Variants in NUCKS1 observed in about 807,000 individuals in gnomAD.
The protein encoded by NUCKS1 is nuclear casein kinase and cyclin dependent kinase substrate 1.
NUCKS1 carries 2 observed loss-of-function variants against 33.0 expected under a neutral mutation model. The ratio of observed to expected loss-of-function variants is 0.06; its 90% CI spans 0.02 to 0.19. The LOEUF (loss-of-function observed/expected upper bound fraction) is 0.19. NUCKS1 is among the 10% of genes least tolerant of loss of function. The probability of loss-of-function intolerance (pLI) is 1.00; values close to 1 mark genes in which losing one functional copy is unlikely to be tolerated. For synonymous variants in NUCKS1, 106 were observed against 102.8 expected, an observed-to-expected ratio of 1.03 and a Z score of -0.19; for missense variants, 201 against 293.6, an observed-to-expected ratio of 0.68 and a Z score of 2.31.
At chr1:205,747,844 AT>A (rs1654369785) in intron 1 of NUCKS1, among the ~76,000 whole-genome samples, 1 of 152,256 alleles carries the variant, frequency 6.6e-6, no homozygotes, top group Non-Finnish European at 1.5e-5. Flanking sequence ...TTATTGCAAA[AT>A]TTAACAAACC....
intron 1 of NUCKS1, among the ~76,000 whole-genome samples, chr1:205,732,313 T>C (rs1001319548): frequency 3.3e-5 from 5 of 152,192 alleles, no homozygotes; most frequent in African/African-American, 1.2e-4. Flanking sequence ...TCCATGTACA[T>C]GAGGGACCTA....
At chr1:205,729,443 G>A (rs916835525) in intron 2 of NUCKS1, 129 bp downstream of exon 2, 2 of 762,998 alleles carry the variant, frequency 2.6e-6, no homozygotes, top group Admixed American at 2.2e-5. Flanking sequence ...CACAGATCAT[G>A]ACATGGTTTT....
intron 1 of NUCKS1, among the ~76,000 whole-genome samples, chr1:205,735,385 T>C (rs1056633558): frequency 6.6e-6 from 1 of 152,194 alleles, no homozygotes; most frequent in South Asian, 2.1e-4. Flanking sequence ...ACCATCTGGT[T>C]TTGTGGAAAT....
rs1434455152 is a variant in NUCKS1 at position 205,714,607 on chromosome 1, A to T, written c.*3673T>A. ...TTGCGACTGAAACTTGGCTATAGAT[A>T]GCTTGATGTCCCAATATTCAAACAA... On this transcript the variant is annotated 3_prime_UTR_variant, in exon 7 of 7. Transcript: ENST00000367142. 6.6e-6 allele frequency: 1 copy of T among 152,242 alleles called. No individual in the cohort carries two copies. Among genetic ancestry groups the T allele is most frequent in the Non-Finnish European group, 1.5e-5 (1 of 68,042 alleles). The allele number at this position is 152,242 out of a possible 1,614,324, so 9.4% of individuals were successfully genotyped here.
rs1044582393 is a variant in NUCKS1 at position 205,717,241 on chromosome 1, G to T, written c.*1039C>A. The T allele has an allele frequency of 4.6e-6, 4 of 871,154 alleles. No homozygotes were observed. In the African/African-American group the frequency reaches 5.5e-5, roughly 12 times the overall value. The allele number at this position is 871,154 out of a possible 1,614,324, so 54.0% of individuals were successfully genotyped here. ...CTGAATGCACATTTATAGCATAAAA[G>T]AATGTCAATTCTATTTCATAAAGGA... On this transcript the variant is annotated 3_prime_UTR_variant, in exon 7 of 7. Transcript: ENST00000367142.
chr1:205,723,755 G>A (rs929661101), intron 4 of NUCKS1, among the ~76,000 whole-genome samples, 171 bp downstream of exon 4: 2 of 152,182 alleles, frequency 1.3e-5, no homozygotes, highest in Non-Finnish European at 2.9e-5. Context: ...ATTCATAGAT[G>A]ACTGTAATAA....
chr1:205,718,012 A>C lies in NUCKS1; in HGVS notation c.*268T>G, dbSNP rs1175068084. Reference sequence around the variant, plus strand: ...TTAATTTGACATGGCTTTCATTGGGAAAGGGGAGGGCTGGCAAAGAGACCA... The same window carrying C: ...TTAATTTGACATGGCTTTCATTGGGCAAGGGGAGGGCTGGCAAAGAGACCA... On this transcript the variant is annotated 3_prime_UTR_variant, in exon 7 of 7. Transcript: ENST00000367142. The C allele has an allele frequency of 9.2e-7, 1 of 1,090,598 alleles. No individual in the cohort carries two copies. The highest frequency in any genetic ancestry group is 1.1e-6 in the Non-Finnish European group (1 of 900,598). The allele number at this position is 1,090,598 out of a possible 1,614,324, so 67.6% of individuals were successfully genotyped here.
intron 1 of NUCKS1, among the ~76,000 whole-genome samples, chr1:205,736,779 C>T (rs1474680304): frequency 6.6e-6 from 1 of 151,094 alleles, no homozygotes; most frequent in African/African-American, 2.4e-5. Flanking sequence ...TGCAGTGAGC[C>T]GAGATCACGC....
chr1:205,721,867 T>G lies in NUCKS1; in HGVS notation c.230-1214A>C, dbSNP rs1428622206. 2.6e-5 allele frequency among the ~76,000 whole-genome samples: 4 copies of G among 151,806 alleles called. 1 individual carries two copies. The highest frequency in any genetic ancestry group is 9.7e-5 in the African/African-American group (4 of 41,304). On this transcript the variant is annotated intron_variant, in intron 4 of 6. Coordinates refer to ENST00000367142, the MANE Select transcript of NUCKS1 (RefSeq NM_022731.5). Reference sequence around the variant, plus strand: ...TTTTGTATTTTTAGTAGAGACAGGGTTTCACCATGTTGGTCAGGCTGGTCT... The same window carrying G: ...TTTTGTATTTTTAGTAGAGACAGGGGTTCACCATGTTGGTCAGGCTGGTCT...
chr1:205,737,877 A>G (rs1654068475), intron 1 of NUCKS1, among the ~76,000 whole-genome samples: 1 of 152,206 alleles, frequency 6.6e-6, no homozygotes. Flanking sequence ...TAGGTTTTCT[A>G]AAGATTTACT....
At chr1:205,735,533 A>G (rs954147005) in intron 1 of NUCKS1, among the ~76,000 whole-genome samples, 6 of 152,344 alleles carry the variant, frequency 3.9e-5, no homozygotes, top group African/African-American at 1.4e-4. Context: ...GACAGCATAA[A>G]ATTTCAATAT....
chr1:205,732,032 C>CA lies in NUCKS1; in HGVS notation c.18-2412dup, dbSNP rs1653927503. 2.0e-5 allele frequency among the ~76,000 whole-genome samples: 3 copies of CA among 152,166 alleles called. No individual in the cohort carries two copies. The South Asian group carries it at 6.2e-4, about 32-fold the overall frequency. On this transcript the variant is annotated intron_variant, in intron 1 of 6. Transcript: ENST00000367142. ...GATGGTCAGACTGCAAACACTGGTCCACCTTCTAGTATAGTATGTGGAGAT... is the reference window on the plus strand; with the variant it reads ...GATGGTCAGACTGCAAACACTGGTCCAACCTTCTAGTATAGTATGTGGAGAT...
intron 1 of NUCKS1, among the ~76,000 whole-genome samples, chr1:205,745,060 A>G (rs908194171): frequency 2.6e-5 from 4 of 152,222 alleles, no homozygotes; most frequent in African/African-American, 9.6e-5. Context: ...TTTAAACCAC[A>G]TATGGCCCCA....
intron 1 of NUCKS1, among the ~76,000 whole-genome samples, chr1:205,741,297 C>CAAAAA (rs56979923): frequency 2.4e-3 from 189 of 78,596 alleles, no homozygotes; most frequent in African/African-American, 5.2e-3. Context: ...GAGACTGTCT[C>CAAAAA]AAAAAAAAAA....
At chr1:205,739,595 C>T (rs747863061) in intron 1 of NUCKS1, among the ~76,000 whole-genome samples, 1 of 152,144 alleles carries the variant, frequency 6.6e-6, no homozygotes, top group African/African-American at 2.4e-5. Context: ...ACCTCAGCCC[C>T]TACCCCAGTA....
chr1:205,737,443 G>C (rs1462261298), intron 1 of NUCKS1, among the ~76,000 whole-genome samples: 3 of 152,178 alleles, frequency 2.0e-5, no homozygotes, highest in Non-Finnish European at 4.4e-5. Context: ...GATATGCCAA[G>C]AACAGAATCC....
At position 205,739,037 on chromosome 1, in the gene NUCKS1, A is replaced by G. The variant is rs189625035; in HGVS notation, c.18-9416T>C. On this transcript the variant is annotated intron_variant, in intron 1 of 6. Coordinates refer to ENST00000367142, the MANE Select transcript of NUCKS1 (RefSeq NM_022731.5). ...CACGGCGACTTTTAGTAATAATTATAACAGCAGTTACTTCAGATATTTGAT... is the reference window on the plus strand; with the variant it reads ...CACGGCGACTTTTAGTAATAATTATGACAGCAGTTACTTCAGATATTTGAT... 1.9e-4 allele frequency among the ~76,000 whole-genome samples: 29 copies of G among 152,364 alleles called. 1 individual carries two copies. The highest frequency in any genetic ancestry group is 1.0e-4 in the Non-Finnish European group (7 of 68,030).
chr1:205,728,928 A>G (rs888869617), intron 2 of NUCKS1, among the ~76,000 whole-genome samples: 6 of 152,074 alleles, frequency 3.9e-5, no homozygotes, highest in African/African-American at 1.4e-4. Flanking sequence ...TTCCCCTGCA[A>G]AGTGCTGGGA....
intron 6 of NUCKS1, 62 bp downstream of exon 6, chr1:205,719,465 G>T: frequency 6.6e-7 from 1 of 1,511,574 alleles, no homozygotes; most frequent in South Asian, 1.3e-5. Flanking sequence ...TTTCTGTATT[G>T]AAAATAATGA....
Sources: allele counts gnomAD v4.1 joint callset (sites outside exome capture counted in the v4.1 genomes callset), GRCh38; gene constraint gnomAD v4.1.1; transcripts MANE v1.5; gene names NCBI Gene and HGNC (gene_info 2026-07-23, HGNC 2026-07-21).